Variants in PCDHGB4 observed in about 807,000 individuals in gnomAD.
PCDHGB4 encodes the protein protocadherin gamma-B4.
In PCDHGB4, 38 loss-of-function variants were observed where a neutral mutation model predicts 60.5. The ratio of observed to expected loss-of-function variants is 0.63; its 90% CI spans 0.48 to 0.82. PCDHGB4 has a LOEUF of 0.82. Ranked by LOEUF, PCDHGB4 falls within the 40% of genes least tolerant of loss-of-function variation. The probability of loss-of-function intolerance (pLI) is 0.00; values close to 1 mark genes in which losing one functional copy is unlikely to be tolerated. For missense variants in PCDHGB4, 1,109 were observed against 1,209.6 expected (o/e 0.92, Z 1.23); for synonymous variants, 456 against 509.7 (o/e 0.89, Z 1.42).
In PCDHGB4 at chr5:141,476,501, A is replaced by G; in HGVS notation, c.2398-18306A>G. 1.2e-6 allele frequency: 2 copies of G among 1,614,026 alleles called. No homozygotes were observed. Among genetic ancestry groups the G allele is most frequent in the Non-Finnish European group, 1.7e-6 (2 of 1,180,006 alleles). On this transcript the variant is annotated intron_variant, in intron 1 of 3. Coordinates refer to ENST00000519479, the MANE Select transcript of PCDHGB4 (RefSeq NM_003736.4). The surrounding 1 kb of genome is among the most constrained non-coding windows in gnomAD (Gnocchi z 7.6). ...CGTGGAAGTGGTGATCCAGGACATCAACGACAACAATCCTGCTTTCCCTAC... is the reference window on the plus strand; with the variant it reads ...CGTGGAAGTGGTGATCCAGGACATCGACGACAACAATCCTGCTTTCCCTAC...
At position 141,499,506 on chromosome 5, in the gene PCDHGB4, CA is replaced by C. The variant is rs759983739; in HGVS notation, c.2456+4644del. Among the ~76,000 whole-genome samples, 6 of 152,086 alleles carry C rather than the reference CA, an allele frequency of 3.9e-5. No homozygotes were observed. The South Asian group carries it at 1.0e-3, about 26-fold the overall frequency. On this transcript the variant is annotated intron_variant, in intron 2 of 3. Coordinates refer to ENST00000519479, the MANE Select transcript of PCDHGB4 (RefSeq NM_003736.4). Reference sequence around the variant, plus strand: ...AACTACAGTTTAATATGAAACATTTCAAATATGTACAAAAGTAGAGAGAATG... The same window carrying C: ...AACTACAGTTTAATATGAAACATTTCAATATGTACAAAAGTAGAGAGAATG...
At chr5:141,479,535 G>A (rs539785154) in intron 1 of PCDHGB4, 2 of 152,378 alleles carry the variant, frequency 1.3e-5, no homozygotes, top group Non-Finnish European at 2.9e-5. Context: ...AAGTGGAGAA[G>A]GTCAAAACTG....
chr5:141,497,689 A>G (rs951295378), intron 2 of PCDHGB4, among the ~76,000 whole-genome samples: 1 of 151,958 alleles, frequency 6.6e-6, no homozygotes, highest in African/African-American at 2.4e-5. Flanking sequence ...GCAGGTGTGC[A>G]CCACCACACC....
chr5:141,394,962 A>G (rs971000405), intron 1 of PCDHGB4: 8 of 1,613,710 alleles, frequency 5.0e-6, no homozygotes, highest in Non-Finnish European at 6.8e-6. Context: ...GCTCAGGCTG[A>G]GGCGCTGGCA....
intron 1 of PCDHGB4, chr5:141,404,077 C>T: frequency 6.2e-7 from 1 of 1,613,742 alleles, no homozygotes; most frequent in East Asian, 2.2e-5. Flanking sequence ...ATGACCGAGA[C>T]TCCGGGAAGA....
At chr5:141,399,425 G>A (rs2093805755) in intron 1 of PCDHGB4, 1 of 1,613,990 alleles carries the variant, frequency 6.2e-7, no homozygotes. Context: ...TCCAGCATAA[G>A]CGTCATCCTA....
chr5:141,501,164 G>C (rs991995325), intron 2 of PCDHGB4, among the ~76,000 whole-genome samples: 32 of 152,144 alleles, frequency 2.1e-4, no homozygotes, highest in African/African-American at 7.7e-4. Context: ...ACCATCCCCA[G>C]CCTCATTTAC....
At chr5:141,405,094 C>T (rs1289372327) in intron 1 of PCDHGB4, 4 of 1,613,840 alleles carry the variant, frequency 2.5e-6, no homozygotes, top group Non-Finnish European at 3.4e-6. Flanking sequence ...TGCTGGCCCT[C>T]AGGCTGAGGC....
rs1167812243 is a variant in PCDHGB4, at chr5:141,414,179, C to T, written c.2397+23898C>T. ...GATGGAGGAGCATATCTTGCAACTG[C>T]AAAAGTGTTGATTACAGTAGAAGAT... On this transcript the variant is annotated intron_variant, in intron 1 of 3. Transcript: ENST00000519479. 3 of 1,608,128 alleles carry T rather than the reference C, an allele frequency of 1.9e-6. No individual in the cohort carries two copies. In the South Asian group the frequency reaches 3.3e-5, roughly 18 times the overall value.
intron 1 of PCDHGB4, among the ~76,000 whole-genome samples, chr5:141,442,633 C>A (rs1210890820): frequency 6.6e-6 from 1 of 152,158 alleles, no homozygotes; most frequent in Admixed American, 6.5e-5. Flanking sequence ...AGCAGCAAGA[C>A]CAAAGGCCTA....
chr5:141,394,104 C>T (rs761567726), intron 1 of PCDHGB4: 1 of 1,613,824 alleles, frequency 6.2e-7, no homozygotes, highest in African/African-American at 1.3e-5. Flanking sequence ...AGGAACACCA[C>T]CTCTGTCCAC....
In PCDHGB4 at chr5:141,485,792, G is replaced by A. The variant is rs114766079; in HGVS notation, c.2398-9015G>A. The A allele has an allele frequency of 6.2e-7, 1 of 1,614,236 alleles. No homozygotes were observed. Among genetic ancestry groups the A allele is most frequent in the East Asian group, 2.2e-5 (1 of 44,880 alleles). ...GCCTTTGGATCGAGAGAAGCAATCG[G>A]ACTACCGCCTGGTGCTGACTGCTGT... On this transcript the variant is annotated intron_variant, in intron 1 of 3. Coordinates refer to ENST00000519479, the MANE Select transcript of PCDHGB4 (RefSeq NM_003736.4). This position sits in a 1 kb window ranked among gnomAD's most constrained non-coding sequence, Gnocchi z 5.7.
At chr5:141,421,941 T>C (rs186605459) in intron 1 of PCDHGB4, 2 of 1,613,456 alleles carry the variant, frequency 1.2e-6, no homozygotes, top group East Asian at 4.5e-5. Context: ...ATGTAAATGA[T>C]CACATCCCAA....
Position 141,505,499 on chromosome 5 carries a change from G to T in PCDHGB4, c.2545+18G>T, listed in dbSNP as rs753203943. 4.3e-6 allele frequency: 7 copies of T among 1,614,172 alleles called. No individual in the cohort carries two copies. The South Asian group carries it at 7.7e-5, about 18-fold the overall frequency. ...CGCCAGTGGTAAGTGGTGTCAGTGTGTGTATGGAAGAGTGGGAGACCTGGG... is the reference window on the plus strand; with the variant it reads ...CGCCAGTGGTAAGTGGTGTCAGTGTTTGTATGGAAGAGTGGGAGACCTGGG... On this transcript the variant is annotated intron_variant, in intron 3 of 3. Coordinates refer to ENST00000519479, the MANE Select transcript of PCDHGB4 (RefSeq NM_003736.4).
rs1036281905 is a variant in PCDHGB4 at position 141,493,555 on chromosome 5, T to A, written c.2398-1252T>A. Among the ~76,000 whole-genome samples, 3 of 152,012 alleles carry A rather than the reference T, an allele frequency of 2.0e-5. No individual in the cohort carries two copies. ...GCCAGTTATCCTTTTGGAGATTGAG[T>A]TCCCCCAGCTCCGTTTCCTCCTATC... On this transcript the variant is annotated intron_variant, in intron 1 of 3. Transcript: ENST00000519479. The surrounding 1 kb of genome is among the most constrained non-coding windows in gnomAD (Gnocchi z 4.3).
In PCDHGB4 at chr5:141,409,431, T is replaced by C. The variant is rs191277647; in HGVS notation, c.2397+19150T>C. 41 of 1,614,006 alleles carry C rather than the reference T, an allele frequency of 2.5e-5. No homozygotes were observed. In the African/African-American group the frequency reaches 3.9e-4, roughly 15 times the overall value. Reference sequence around the variant, plus strand: ...TACAAACTGGTGACAGATGGAGCCCTGGACCGAGAGCAGACACCAGAATAC... The same window carrying C: ...TACAAACTGGTGACAGATGGAGCCCCGGACCGAGAGCAGACACCAGAATAC... On this transcript the variant is annotated intron_variant, in intron 1 of 3. Transcript: ENST00000519479.
chr5:141,489,893 G>A lies in PCDHGB4; in HGVS notation c.2398-4914G>A. ...CTGGTGCTTACTGCTGTGGATGGGG[G>A]GACCCCAGCCCGCTCAGGGACCACC... On this transcript the variant is annotated intron_variant, in intron 1 of 3. Transcript: ENST00000519479. This position sits in a 1 kb window ranked among gnomAD's most constrained non-coding sequence, Gnocchi z 4.5. 6.2e-7 allele frequency: 1 copy of A among 1,614,190 alleles called. No individual in the cohort carries two copies. Among genetic ancestry groups the A allele is most frequent in the South Asian group, 1.1e-5 (1 of 91,084 alleles).
At chr5:141,392,825 A>T in intron 1 of PCDHGB4, 1 of 1,601,466 alleles carries the variant, frequency 6.2e-7, no homozygotes. Context: ...TGGCCGCTCC[A>T]CAGAGTCGCC....
At chr5:141,450,754 C>G (rs192088793) in intron 1 of PCDHGB4, among the ~76,000 whole-genome samples, 1 of 150,996 alleles carries the variant, frequency 6.6e-6, no homozygotes, top group Non-Finnish European at 1.5e-5. Context: ...CCCAAAGTGC[C>G]GGGATTACAG....
Sources: allele counts gnomAD v4.1 joint callset (sites outside exome capture counted in the v4.1 genomes callset), GRCh38; gene constraint gnomAD v4.1.1; non-coding constraint Gnocchi (gnomAD v3.1); transcripts MANE v1.5; gene names NCBI Gene and HGNC (gene_info 2026-07-23, HGNC 2026-07-21).